Variants in PNCK observed in about 807,000 individuals in gnomAD.
PNCK encodes pregnancy up-regulated nonubiquitous CaM kinase.
A neutral mutation model predicts 28.3 loss-of-function variants in PNCK; 21 were observed. That is an observed-to-expected ratio of 0.74 (90% CI 0.53 to 1.07). PNCK has a LOEUF of 1.07. Among genes scored for constraint, PNCK ranks in the 50% least tolerant of loss-of-function variants. The probability of loss-of-function intolerance (pLI) is 0.00; values close to 1 mark genes in which losing one functional copy is unlikely to be tolerated. For missense variants in PNCK, 250 were observed against 298.3 expected, an observed-to-expected ratio of 0.84 and a Z score of 1.19; for synonymous variants, 136 against 125.2, an observed-to-expected ratio of 1.09 and a Z score of -0.58.
At position 153,670,063 on chromosome X, in the gene PNCK, G is replaced by T; in HGVS notation, c.*75C>A. 2 of 278,388 alleles carry T rather than the reference G, an allele frequency of 7.2e-6. No individual in the cohort carries two copies. The highest frequency in any genetic ancestry group is 1.4e-5 in the Non-Finnish European group (2 of 147,223). 22.9% of individuals were successfully genotyped at this position (278,388 alleles called of 1,213,427 possible). A position where few individuals can be genotyped will look rare whatever the true frequency, so the allele number is the denominator to read the frequency against. ...AGGCCAGCCCCAGGGGGAGGGGTTG[G>T]GGGAGGGGACCGAAAGCATCCAAGG... On this transcript the variant is annotated 3_prime_UTR_variant, in exon 12 of 12. Coordinates refer to ENST00000340888, the MANE Select transcript of PNCK (RefSeq NM_001366977.1).
chrX:153,677,909 A>AGT (rs1342389033), upstream of PNCK, among the ~76,000 whole-genome samples: 3 of 106,001 alleles, frequency 2.8e-5, no homozygotes, highest in African/African-American at 1.1e-4. Flanking sequence ...TAGTATATAT[A>AGT]GTGTATATAT....
At chrX:153,677,679 TATATATA>T (rs1222415206), upstream of PNCK, among the ~76,000 whole-genome samples, 2,409 of 87,410 alleles carry the variant, frequency 0.028, 91 homozygotes, top group African/African-American at 0.094. Flanking sequence ...ATATAGTGTG[TATATATA>T]GTGTATATAT....
chrX:153,671,539 C>T lies in PNCK; in HGVS notation c.538+10G>A, dbSNP rs564994030. On this transcript the variant is annotated intron_variant, in intron 6 of 11. Transcript: ENST00000340888. ...CCACTCCCAGCAAGCCTCAGGGTGTCGTCCCTCACCCACATATCCAGGGGT... is the reference window on the plus strand; with the variant it reads ...CCACTCCCAGCAAGCCTCAGGGTGTTGTCCCTCACCCACATATCCAGGGGT... The T allele has an allele frequency of 1.5e-5, 18 of 1,210,380 alleles. No individual in the cohort carries two copies. The highest frequency in any genetic ancestry group is 1.2e-4 in the South Asian group (7 of 56,792).
At position 153,672,095 on chromosome X, in the gene PNCK, G is replaced by A. The variant is rs373455770; in HGVS notation, c.275+31C>T. 4.9e-5 allele frequency: 59 copies of A among 1,195,580 alleles called. No homozygotes were observed. In the African/African-American group the frequency reaches 5.6e-4, roughly 11 times the overall value. On this transcript the variant is annotated intron_variant, in intron 4 of 11. Coordinates refer to ENST00000340888, the MANE Select transcript of PNCK (RefSeq NM_001366977.1). ...CCCACTCACTGCTCAGTCCCTCCCC[G>A]GCTCCCACAGCCTGCCCAGGCCCTC...
upstream of PNCK, among the ~76,000 whole-genome samples, chrX:153,675,795 G>A (rs2091362256): frequency 9.1e-6 from 1 of 109,804 alleles, no homozygotes; most frequent in African/African-American, 3.3e-5. Context: ...CAAAGTGCTG[G>A]GATTACAGGC....
chrX:153,683,326 G>A (rs2091403527), intron 1 of PNCK, among the ~76,000 whole-genome samples: 1 of 110,749 alleles, frequency 9.0e-6, no homozygotes, highest in Non-Finnish European at 1.9e-5. Flanking sequence ...ATTTTTAGTA[G>A]AGACGGGGCT....
rs149785603 is a variant in PNCK, at chrX:153,670,487, G to A, written c.1002C>T (p.Gly334=). The change falls in exon 11 of 12, where the codon GGC becomes GGT. Residue 334 remains glycine, a synonymous_variant. Transcript: ENST00000340888. ...ACTTGGGGGGCTGGCCAGCACGGAG[G>A]CCTGAGTGGCTGTGGCGGGCCATGC... is the stretch of plus-strand genomic sequence containing the variant. ...EQGMARHSHS[G]LRAGQPPKW is the part of the protein sequence containing the mutation. 5.7e-4 allele frequency: 693 copies of A among 1,210,343 alleles called. No homozygotes were observed. Among genetic ancestry groups the A allele is most frequent in the Middle Eastern group, 9.4e-4 (4 of 4,270 alleles).
intron 1 of PNCK, among the ~76,000 whole-genome samples, chrX:153,685,044 G>A (rs892536628): frequency 3.0e-5 from 3 of 101,617 alleles, no homozygotes; most frequent in East Asian, 3.1e-4. Context: ...GGCACAGGTC[G>A]CAGGGCACCC....
intron 2 of PNCK, 82 bp from the exon 3 acceptor site, chrX:153,672,779 G>A (rs2148339564): frequency 2.8e-6 from 3 of 1,077,034 alleles, no homozygotes; most frequent in African/African-American, 1.8e-5. Flanking sequence ...GAGCGGGGAG[G>A]GCCCCCTGTG....
chrX:153,679,039 T>A (rs111335722), upstream of PNCK, among the ~76,000 whole-genome samples: 496 of 111,646 alleles, frequency 4.4e-3, no homozygotes, highest in Middle Eastern at 9.2e-3. Flanking sequence ...TTTGTTCACC[T>A]ACTGAGGAAC....
intron 1 of PNCK, chrX:153,687,415 C>T: frequency 3.0e-6 from 1 of 328,548 alleles, no homozygotes; most frequent in South Asian, 2.6e-5. Context: ...ACTGTGGAGA[C>T]ACAGAGGCCT....
chrX:153,681,378 G>C (rs782675512), intron 1 of PNCK, among the ~76,000 whole-genome samples: 112 of 111,579 alleles, frequency 1.0e-3, no homozygotes, highest in African/African-American at 3.1e-3. Context: ...CGACAAACAG[G>C]ACCCCAGCCG....
chrX:153,671,165 CG>C lies in PNCK; in HGVS notation c.639del (p.Tyr213Ter). On this transcript the variant is annotated frameshift_variant, in exon 8 of 12. Coordinates refer to ENST00000340888, the MANE Select transcript of PNCK (RefSeq NM_001366977.1). LOFTEE classifies it high-confidence loss of function. ...CTGAAGAGCTCAGGGTCGCTCTCGT[CG>C]TAGAAGGGGGGGTACCCACACAGCC... ...YILLCGYPPF[Y>X]DESDPELFSQ... The C allele has an allele frequency of 8.3e-7, 1 of 1,211,722 alleles. No homozygotes were observed. Among genetic ancestry groups the C allele is most frequent in the Non-Finnish European group, 1.1e-6 (1 of 895,519 alleles).
upstream of PNCK, among the ~76,000 whole-genome samples, chrX:153,677,618 GTA>G (rs1197328809): frequency 1.1e-4 from 9 of 82,868 alleles, no homozygotes; most frequent in Admixed American, 2.5e-4. Flanking sequence ...TATATATAGT[GTA>G]TATATATAGT....
At chrX:153,670,181 G>T (rs1422080424) in intron 11 of PNCK, 51 bp from the exon 12 acceptor site, 3 of 409,410 alleles carry the variant, frequency 7.3e-6, no homozygotes, top group Non-Finnish European at 8.6e-6. Context: ...CGGCCTGCCA[G>T]CCCTGTGCCC....
At chrX:153,670,195 C>T (rs2148331391) in intron 11 of PNCK, 65 bp from the exon 12 acceptor site, 1 of 421,177 alleles carries the variant, frequency 2.4e-6, no homozygotes, top group East Asian at 4.1e-5. Context: ...TGTGCCCCCA[C>T]CCCCCGCCTC....
rs1557039371 is a variant in PNCK at position 153,670,609 on chromosome X, G to A, written c.895-15C>T. 8.3e-7 allele frequency: 1 copy of A among 1,207,693 alleles called. No homozygotes were observed. Among genetic ancestry groups the A allele is most frequent in the Admixed American group, 2.2e-5 (1 of 45,901 alleles). On this transcript the variant is annotated splice_polypyrimidine_tract_variant and intron_variant, in intron 10 of 11. Transcript: ENST00000340888. ...TTGAAGGCTCGCTGCCAGAAGAGAG[G>A]GAGATCAGGCCAGGCCTGGGCCCAG...
intron 1 of PNCK, chrX:153,673,324 C>T (rs2091337210): frequency 1.7e-6 from 2 of 1,161,390 alleles, no homozygotes; most frequent in Non-Finnish European, 2.3e-6. Flanking sequence ...CGAAGGCGAC[C>T]AGCGCCTGGA....
At position 153,671,885 on chromosome X, in the gene PNCK, G is replaced by A. The variant is rs369888785; in HGVS notation, c.409C>T (p.Leu137Phe). ...LHSLGIVHRD[L>F]KPENLLYATP... ...CAGAGGCCCCAGCCAGGCACCTTGAGGTCCCGGTGCACGATCCCCAGGCTG... is the reference window on the plus strand; with the variant it reads ...CAGAGGCCCCAGCCAGGCACCTTGAAGTCCCGGTGCACGATCCCCAGGCTG... Residue 137 changes from leucine (L) to phenylalanine (F), a missense_variant, in exon 5 of 12, where the codon CTC becomes TTC. Leu to Phe is a conservative substitution (Grantham distance 22). Coordinates refer to ENST00000340888, the MANE Select transcript of PNCK (RefSeq NM_001366977.1). 4 of 1,208,253 alleles carry A rather than the reference G, an allele frequency of 3.3e-6. No homozygotes were observed. In the Admixed American group the frequency reaches 8.7e-5, roughly 26 times the overall value.
Sources: allele counts gnomAD v4.1 joint callset (sites outside exome capture counted in the v4.1 genomes callset), GRCh38; gene constraint gnomAD v4.1.1; transcripts MANE v1.5; gene names NCBI Gene and HGNC (gene_info 2026-07-23, HGNC 2026-07-21).